IQUB: variants seen among roughly 807,000 people sequenced by gnomAD.
IQUB encodes the protein IQ motif and ubiquitin domain containing, also known as IQ motif and ubiquitin-like domain-containing protein.
A neutral mutation model predicts 86.4 loss-of-function variants in IQUB; 86 were observed. The ratio of observed to expected loss-of-function variants is 1.00; its 90% CI spans 0.84 to 1.19. The LOEUF is 1.19. Ranked by LOEUF, IQUB falls within the 50% of genes most tolerant of loss-of-function variation. IQUB has a pLI of 0.00. For synonymous variants in IQUB, 289 were observed against 304.5 expected, an observed-to-expected ratio of 0.95 and a Z score of 0.53; for missense variants, 946 against 916.9, an observed-to-expected ratio of 1.03 and a Z score of -0.41.
chr7:123,467,216 T>G (rs943755407), intron 9 of IQUB, among the ~76,000 whole-genome samples: 3 of 152,034 alleles, frequency 2.0e-5, no homozygotes, highest in African/African-American at 7.2e-5. Flanking sequence ...ATACCAATGG[T>G]CCTAATAACA....
rs199897987 is a variant in IQUB, at chr7:123,470,588, C to G, written c.1411-1204G>C. Among the ~76,000 whole-genome samples the G allele has an allele frequency of 2.0e-5, 3 of 152,142 alleles. 1 individual carries two copies. The highest frequency in any genetic ancestry group is 4.4e-5 in the Non-Finnish European group (3 of 68,028). ...ACAGTAGGCTGGGTGCAGTGGCTCACGCCTGTAATCCCAGCCACTTTGGGA... is the reference window on the plus strand; with the variant it reads ...ACAGTAGGCTGGGTGCAGTGGCTCAGGCCTGTAATCCCAGCCACTTTGGGA... On this transcript the variant is annotated intron_variant, in intron 8 of 12. Coordinates refer to ENST00000324698, the MANE Select transcript of IQUB (RefSeq NM_178827.5).
intron 11 of IQUB, 66 bp from the exon 12 acceptor site, chr7:123,457,632 G>T: frequency 8.7e-7 from 1 of 1,148,278 alleles, no homozygotes; most frequent in Non-Finnish European, 1.3e-6. Flanking sequence ...TATATTACTT[G>T]AGCAAATAAT....
chr7:123,491,549 ATT>A (rs1343260220), intron 7 of IQUB, among the ~76,000 whole-genome samples: 106 of 152,334 alleles, frequency 7.0e-4, no homozygotes, highest in African/African-American at 2.4e-3. Flanking sequence ...ATGGAACATT[ATT>A]AACATCTTTA....
chr7:123,527,429 T>C (rs1374996706), intron 1 of IQUB, among the ~76,000 whole-genome samples: 1 of 152,218 alleles, frequency 6.6e-6, no homozygotes, highest in Non-Finnish European at 1.5e-5. Context: ...CTCTGTTTTT[T>C]CCCCATCTTT....
In IQUB at chr7:123,464,152, G is replaced by A. The variant is rs372605143; in HGVS notation, c.1758+681C>T. On this transcript the variant is annotated intron_variant, in intron 10 of 12. Coordinates refer to ENST00000324698, the MANE Select transcript of IQUB (RefSeq NM_178827.5). ...CATTGAAATAAAACTATAATTCTCT[G>A]ACAACATACTCTACCCCAAGAGTTT... Among the ~76,000 whole-genome samples, 151 of 151,824 alleles carry A rather than the reference G, an allele frequency of 9.9e-4. 2 individuals are homozygous for A. In the South Asian group the frequency reaches 0.024, roughly 24 times the overall value.
In IQUB at chr7:123,479,961, T is replaced by C; in HGVS notation, c.1244A>G (p.Gln415Arg). The change falls in exon 8 of 13, where the codon CAA becomes CGA. Residue 415 changes from glutamine to arginine, a missense_variant. Gln to Arg is a conservative substitution (Grantham distance 43). Coordinates refer to ENST00000324698, the MANE Select transcript of IQUB (RefSeq NM_178827.5). ...TTGGTTAATACGTGTAAGTTCTTCT[T>C]GCCGCCAGACTAGAGGAATAACACA... is the stretch of plus-strand genomic sequence containing the variant. ...FLYNALEFWR[Q>R]EELTRINQSF... The C allele has an allele frequency of 1.2e-6, 2 of 1,607,984 alleles. No homozygotes were observed. Among genetic ancestry groups the C allele is most frequent in the Non-Finnish European group, 1.7e-6 (2 of 1,177,938 alleles).
intron 1 of IQUB, among the ~76,000 whole-genome samples, chr7:123,526,378 G>C (rs990166702): frequency 1.1e-3 from 166 of 152,148 alleles, no homozygotes; most frequent in Middle Eastern, 3.4e-3. Flanking sequence ...TTATGAATCT[G>C]GGTGCTCCTG....
At chr7:123,491,863 A>G (rs1018734533) in intron 7 of IQUB, among the ~76,000 whole-genome samples, 2 of 152,238 alleles carry the variant, frequency 1.3e-5, no homozygotes, top group Admixed American at 1.3e-4. Flanking sequence ...ACAAGGAAAA[A>G]AAAGTCACAG....
intron 1 of IQUB, among the ~76,000 whole-genome samples, chr7:123,523,792 G>C (rs1320086159): frequency 6.6e-6 from 1 of 152,114 alleles, no homozygotes; most frequent in Non-Finnish European, 1.5e-5. Flanking sequence ...CCTATGTCCT[G>C]AATGGTAATG....
chr7:123,528,109 T>C (rs1797347094), intron 1 of IQUB, among the ~76,000 whole-genome samples: 1 of 152,214 alleles, frequency 6.6e-6, no homozygotes, highest in Non-Finnish European at 1.5e-5. Context: ...TTTCTTTGAC[T>C]AGGAAAGGGA....
At position 123,471,955 on chromosome 7, in the gene IQUB, C is replaced by T. The variant is rs193149303; in HGVS notation, c.1411-2571G>A. Among the ~76,000 whole-genome samples, 262 of 152,170 alleles carry T rather than the reference C, an allele frequency of 1.7e-3. 3 individuals carry two copies. In the South Asian group the frequency reaches 0.047, roughly 27 times the overall value. On this transcript the variant is annotated intron_variant, in intron 8 of 12. Transcript: ENST00000324698. ...AAAAGAGTATGAGAAATAAATTTCTCGGCCGGACACGGTGGCTCACACCTG... is the reference window on the plus strand; with the variant it reads ...AAAAGAGTATGAGAAATAAATTTCTTGGCCGGACACGGTGGCTCACACCTG...
chr7:123,483,009 T>G (rs1323627903), intron 7 of IQUB, among the ~76,000 whole-genome samples: 2 of 152,120 alleles, frequency 1.3e-5, no homozygotes. Context: ...TATCATAAGT[T>G]TCAGTTCATT....
chr7:123,511,689 G>GA (rs1445520392), intron 2 of IQUB, among the ~76,000 whole-genome samples: 2 of 151,854 alleles, frequency 1.3e-5, no homozygotes, highest in South Asian at 2.1e-4. Context: ...TACTTTCTTT[G>GA]AAAAAATGTA....
intron 7 of IQUB, among the ~76,000 whole-genome samples, chr7:123,480,531 A>C (rs1794960263): frequency 6.6e-6 from 1 of 152,058 alleles, no homozygotes; most frequent in Admixed American, 6.6e-5. Flanking sequence ...CCTTAGAGCT[A>C]AGACTTTCCA....
chr7:123,518,143 A>AT (rs58814111), intron 1 of IQUB, among the ~76,000 whole-genome samples: 34,906 of 150,050 alleles, frequency 0.23, 4,337 homozygotes, highest in East Asian at 0.32. Context: ...TCATCCTTTT[A>AT]TTTTTTTTTT....
chr7:123,506,781 T>C (rs1796196951), intron 3 of IQUB, among the ~76,000 whole-genome samples: 1 of 152,178 alleles, frequency 6.6e-6, no homozygotes, highest in African/African-American at 2.4e-5. Context: ...GCAGAATCCC[T>C]TACTTTCTCT....
intron 8 of IQUB, among the ~76,000 whole-genome samples, chr7:123,470,338 A>C (rs1794463538): frequency 6.6e-6 from 1 of 152,142 alleles, no homozygotes; most frequent in Admixed American, 6.5e-5. Flanking sequence ...CAGAAACAAG[A>C]CTATGTTGAT....
At chr7:123,504,864 T>C (rs1476376774) in intron 3 of IQUB, among the ~76,000 whole-genome samples, 1 of 152,128 alleles carries the variant, frequency 6.6e-6, no homozygotes, top group Non-Finnish European at 1.5e-5. Flanking sequence ...ATTAACTCAT[T>C]TCAGCAATAA....
At chr7:123,517,261 G>A (rs1562872384) in intron 1 of IQUB, among the ~76,000 whole-genome samples, 1 of 151,922 alleles carries the variant, frequency 6.6e-6, no homozygotes, top group Non-Finnish European at 1.5e-5. Flanking sequence ...GCAGGGCGCT[G>A]TGGCTCATGC....
Sources: allele counts gnomAD v4.1 joint callset (sites outside exome capture counted in the v4.1 genomes callset), GRCh38; gene constraint gnomAD v4.1.1; transcripts MANE v1.5; gene names NCBI Gene and HGNC (gene_info 2026-07-23, HGNC 2026-07-21).